The following LHPP variants were observed in gnomAD, a reference collection of about 807,000 sequenced individuals.
The protein encoded by LHPP is phospholysine phosphohistidine inorganic pyrophosphate phosphatase.
A neutral mutation model predicts 30.3 loss-of-function variants in LHPP; 24 were observed. The observed-to-expected ratio is 0.79, with a 90% CI of 0.57 to 1.11. LHPP has a LOEUF of 1.11. Among genes scored for constraint, LHPP ranks in the 50% most tolerant of loss-of-function variants. The probability of loss-of-function intolerance (pLI) is 0.00; values close to 1 mark genes in which losing one functional copy is unlikely to be tolerated. For missense variants in LHPP, 356 were observed against 367.2 expected, an observed-to-expected ratio of 0.97 and a Z score of 0.25; for synonymous variants, 150 against 157.1, an observed-to-expected ratio of 0.95 and a Z score of 0.34.
intron 6 of LHPP, among the ~76,000 whole-genome samples, chr10:124,588,514 C>T (rs528374611): frequency 4.6e-5 from 7 of 152,120 alleles, no homozygotes; most frequent in Non-Finnish European, 8.8e-5. Context: ...GAACTCCTGA[C>T]CCCAAGTGAT....
At chr10:124,468,027 G>A (rs1182382486) in intron 1 of LHPP, among the ~76,000 whole-genome samples, 1 of 152,178 alleles carries the variant, frequency 6.6e-6, no homozygotes, top group African/African-American at 2.4e-5. Flanking sequence ...GACAGTTTGA[G>A]CCCTGGTCTG....
At chr10:124,514,634 T>G (rs1476131409) in intron 5 of LHPP, among the ~76,000 whole-genome samples, 1 of 152,232 alleles carries the variant, frequency 6.6e-6, no homozygotes. Context: ...GTCACTGGCT[T>G]TGAGCAATTT....
intron 6 of LHPP, among the ~76,000 whole-genome samples, chr10:124,584,206 GAAA>G (rs34804550): frequency 6.8e-6 from 1 of 146,430 alleles, no homozygotes. Context: ...CCCCATCTCT[GAAA>G]AAAAAAAAAA....
At chr10:124,589,020 C>G (rs898632030) in intron 6 of LHPP, among the ~76,000 whole-genome samples, 1 of 152,220 alleles carries the variant, frequency 6.6e-6, no homozygotes, top group Non-Finnish European at 1.5e-5. Flanking sequence ...CCCAGCAGCG[C>G]GGCTGTGAGG....
intron 1 of LHPP, among the ~76,000 whole-genome samples, chr10:124,468,068 A>C (rs1203136264): frequency 6.6e-6 from 1 of 152,162 alleles, no homozygotes; most frequent in African/African-American, 2.4e-5. Context: ...GGAATCCTTC[A>C]GGGAGAAGGG....
intron 4 of LHPP, 115 bp from the exon 5 acceptor site, chr10:124,497,921 T>C (rs1430116069): frequency 2.5e-6 from 2 of 809,800 alleles, no homozygotes; most frequent in Non-Finnish European, 4.2e-6. Context: ...CACAGCATCC[T>C]GCTTCTTCAA....
At chr10:124,524,724 C>T (rs922331304) in intron 6 of LHPP, among the ~76,000 whole-genome samples, 4 of 152,034 alleles carry the variant, frequency 2.6e-5, no homozygotes, top group Admixed American at 6.6e-5. Flanking sequence ...CCCAGCTACT[C>T]GGGAGGCTGA....
intron 6 of LHPP, among the ~76,000 whole-genome samples, chr10:124,567,568 T>G (rs530939756): frequency 1.3e-5 from 2 of 152,336 alleles, no homozygotes; most frequent in East Asian, 3.9e-4. Context: ...TTGGAGTTCT[T>G]AATATCCCCG....
At position 124,488,478 on chromosome 10, in the gene LHPP, G is replaced by A. The variant is rs755427472; in HGVS notation, c.370G>A (p.Ala124Thr). 5.6e-6 allele frequency: 9 copies of A among 1,613,852 alleles called. No homozygotes were observed. The Admixed American group carries it at 8.3e-5, about 15-fold the overall frequency. The change falls in exon 3 of 7, where the codon GCA (alanine) becomes ACA (threonine). Residue 124 changes from alanine (A) to threonine (T), a missense_variant. Ala to Thr is a moderately conservative substitution (Grantham distance 58, BLOSUM62 0). Transcript: ENST00000368842. ...ATCCAACCCAAACTGTGTGGTAATT[G>A]CAGACGCAGGAGAAAGCTTTTCTTA... is the stretch of plus-strand genomic sequence containing the variant. ...DTSNPNCVVI[A>T]DAGESFSYQN...
Position 124,461,860 on chromosome 10 carries a change from G to C in LHPP, c.-3G>C. ...GCGGAGCTGAGGAGCAGGGCCGGGC[G>C]CCATGGCACCGTGGGGCAAGCGGCT... On this transcript the variant is annotated 5_prime_UTR_variant, in exon 1 of 7. Coordinates refer to ENST00000368842, the MANE Select transcript of LHPP (RefSeq NM_022126.4). 1.6e-6 allele frequency: 2 copies of C among 1,247,728 alleles called. No homozygotes were observed. Among genetic ancestry groups the C allele is most frequent in the Non-Finnish European group, 2.0e-6 (2 of 992,486 alleles). 77.3% of individuals were successfully genotyped at this position (1,247,728 alleles called of 1,614,324 possible). A position where few individuals can be genotyped will look rare whatever the true frequency, so the allele number is the denominator to read the frequency against.
At chr10:124,602,615 C>T (rs1444072971) in intron 6 of LHPP, among the ~76,000 whole-genome samples, 1 of 149,266 alleles carries the variant, frequency 6.7e-6, no homozygotes, top group Non-Finnish European at 1.5e-5. Context: ...CCTCCTTCTG[C>T]GAGGAGAGAC....
intron 1 of LHPP, among the ~76,000 whole-genome samples, chr10:124,480,511 ACAT>A (rs1953090629): frequency 6.6e-6 from 1 of 152,328 alleles, no homozygotes; most frequent in South Asian, 2.1e-4. Flanking sequence ...TGAGAAGGTC[ACAT>A]CATCATTCAT....
At chr10:124,527,417 G>C (rs1297906285) in intron 6 of LHPP, among the ~76,000 whole-genome samples, 1 of 152,224 alleles carries the variant, frequency 6.6e-6, no homozygotes, top group Non-Finnish European at 1.5e-5. Flanking sequence ...TTGTGCACAG[G>C]TTCCTCTGTG....
chr10:124,600,872 C>T (rs963935890), intron 6 of LHPP, among the ~76,000 whole-genome samples: 1 of 152,222 alleles, frequency 6.6e-6, no homozygotes, highest in South Asian at 2.1e-4. Context: ...GGAGCCAAGG[C>T]CATGAGGCCA....
At chr10:124,506,404 T>G (rs1470460224) in intron 5 of LHPP, among the ~76,000 whole-genome samples, 2 of 151,716 alleles carry the variant, frequency 1.3e-5, no homozygotes, top group Non-Finnish European at 1.5e-5. Context: ...ACCACCCCCT[T>G]CCCAAGCTGT....
intron 1 of LHPP, among the ~76,000 whole-genome samples, chr10:124,475,049 G>GTCTCGC (rs1251139053): frequency 0.011 from 11 of 984 alleles, no homozygotes; most frequent in Non-Finnish European, 0.02. Flanking sequence ...TTGAAATGGA[G>GTCTCGC]TCTCGCTCTG....
Position 124,495,048 on chromosome 10 carries a change from T to C in LHPP, c.468-1913T>C, listed in dbSNP as rs147167978. Among the ~76,000 whole-genome samples the C allele has an allele frequency of 5.0e-3, 764 of 152,352 alleles. 6 individuals are homozygous for C. Among genetic ancestry groups the C allele is most frequent in the African/African-American group, 0.018 (733 of 41,574 alleles). Reference sequence around the variant, plus strand: ...ACCATCAGACCAAAGTAGCTGATTGTCCAACTGGGAAAAAGAAAAAGCAGT... The same window carrying C: ...ACCATCAGACCAAAGTAGCTGATTGCCCAACTGGGAAAAAGAAAAAGCAGT... On this transcript the variant is annotated intron_variant, in intron 3 of 6. Coordinates refer to ENST00000368842, the MANE Select transcript of LHPP (RefSeq NM_022126.4).
chr10:124,484,722 A>G (rs950367389), intron 2 of LHPP, among the ~76,000 whole-genome samples: 1 of 152,076 alleles, frequency 6.6e-6, no homozygotes, highest in Non-Finnish European at 1.5e-5. Flanking sequence ...ATGAATGAAT[A>G]TAAATGAGAA....
At chr10:124,494,596 G>A (rs574840982) in intron 3 of LHPP, among the ~76,000 whole-genome samples, 2 of 152,264 alleles carry the variant, frequency 1.3e-5, no homozygotes, top group African/African-American at 4.8e-5. Flanking sequence ...GCCTGCAGAG[G>A]GCCTTGCCTG....
Sources: gnomAD v4.1 joint callset for allele counts (sites outside exome capture counted in the v4.1 genomes callset) on GRCh38, gnomAD v4.1.1 for gene constraint, MANE v1.5 for transcripts, NCBI Gene and HGNC (gene_info 2026-07-23, HGNC 2026-07-21) for gene names.